The following RNF180 variants were observed in gnomAD, a reference collection of about 807,000 sequenced individuals.
The protein encoded by RNF180 is ring finger protein 180.
A neutral mutation model predicts 59.2 loss-of-function variants in RNF180; 38 were observed. That is an observed-to-expected ratio of 0.64 (90% CI 0.50 to 0.84). RNF180 has a LOEUF of 0.84. Ranked by LOEUF, RNF180 falls within the 40% of genes least tolerant of loss-of-function variation. The pLI is 0.00. For missense variants in RNF180, 705 were observed against 700.9 expected, an observed-to-expected ratio of 1.01 and a Z score of -0.07; for synonymous variants, 262 against 240.3, an observed-to-expected ratio of 1.09 and a Z score of -0.84.
At chr5:64,276,000 A>G (rs757804479) in intron 5 of RNF180, among the ~76,000 whole-genome samples, 13 of 152,012 alleles carry the variant, frequency 8.6e-5, no homozygotes, top group Admixed American at 3.9e-4. Context: ...TCTCCCACCA[A>G]TTATAAGCTG....
At chr5:64,270,768 T>C (rs1284433195) in intron 5 of RNF180, among the ~76,000 whole-genome samples, 1 of 151,180 alleles carries the variant, frequency 6.6e-6, no homozygotes, top group African/African-American at 2.4e-5. Flanking sequence ...GCTTCTCTCA[T>C]GTAGCTTTTC....
chr5:64,226,484 A>G (rs1353444731), intron 5 of RNF180, among the ~76,000 whole-genome samples: 1 of 152,116 alleles, frequency 6.6e-6, no homozygotes, highest in Non-Finnish European at 1.5e-5. Context: ...AAGAGTCATC[A>G]CCACTCCCTA....
At position 64,209,225 on chromosome 5, in the gene RNF180, G is replaced by T. The variant is rs533557719; in HGVS notation, c.136-2840G>T. Among the ~76,000 whole-genome samples, 3 of 152,040 alleles carry T rather than the reference G, an allele frequency of 2.0e-5. No individual in the cohort carries two copies. The South Asian group carries it at 6.2e-4, about 32-fold the overall frequency. ...ATTTGTTATTTAGTGAAAATAAAAA[G>T]AATAAGTACATTGTAAAACTTTCTT... On this transcript the variant is annotated intron_variant, in intron 2 of 7. Transcript: ENST00000389100.
intron 5 of RNF180, among the ~76,000 whole-genome samples, chr5:64,222,806 T>C (rs1425777362): frequency 6.6e-6 from 1 of 152,202 alleles, no homozygotes; most frequent in African/African-American, 2.4e-5. Context: ...AAGACAAATA[T>C]GCTATGTTAT....
chr5:64,334,143 G>A (rs1745027348), intron 7 of RNF180, among the ~76,000 whole-genome samples: 3 of 152,162 alleles, frequency 2.0e-5, no homozygotes, highest in South Asian at 4.1e-4. Context: ...CTGAGGTCAG[G>A]AGGATTGGCA....
chr5:64,290,143 C>T (rs1742496744), intron 5 of RNF180, among the ~76,000 whole-genome samples: 1 of 152,136 alleles, frequency 6.6e-6, no homozygotes, highest in Admixed American at 6.5e-5. Flanking sequence ...ATTATTTACC[C>T]AGGAGACATT....
At chr5:64,211,154 C>T (rs1192155514) in intron 2 of RNF180, among the ~76,000 whole-genome samples, 1 of 152,048 alleles carries the variant, frequency 6.6e-6, no homozygotes, top group Non-Finnish European at 1.5e-5. Context: ...CATTGGTATG[C>T]AGGACCTAGA....
At chr5:64,321,053 A>T (rs1431054010) in intron 5 of RNF180, among the ~76,000 whole-genome samples, 1 of 152,062 alleles carries the variant, frequency 6.6e-6, no homozygotes, top group African/African-American at 2.4e-5. Context: ...AAAAAAGGGA[A>T]AGAAAAATTA....
chr5:64,214,591 C>A (rs1458206030), intron 4 of RNF180, 74 bp downstream of exon 4: 4 of 1,321,776 alleles, frequency 3.0e-6, no homozygotes, highest in African/African-American at 3.0e-5. Flanking sequence ...AGCTAACTTT[C>A]AACATCTGTA....
At chr5:64,290,391 T>G (rs1205855280) in intron 5 of RNF180, among the ~76,000 whole-genome samples, 2 of 152,252 alleles carry the variant, frequency 1.3e-5, no homozygotes, top group Non-Finnish European at 2.9e-5. Flanking sequence ...ATCTATCAGA[T>G]ATGCTTGATC....
chr5:64,349,585 G>A (rs547890324), intron 7 of RNF180, among the ~76,000 whole-genome samples: 1 of 149,338 alleles, frequency 6.7e-6, no homozygotes, highest in Non-Finnish European at 1.5e-5. Flanking sequence ...CTCCCCCCTT[G>A]CCCCCCACCA....
At chr5:64,209,960 A>G (rs375337338) in intron 2 of RNF180, among the ~76,000 whole-genome samples, 1 of 152,132 alleles carries the variant, frequency 6.6e-6, no homozygotes, top group African/African-American at 2.4e-5. Flanking sequence ...GTCACTTCCA[A>G]TAGGTTTCCC....
intron 7 of RNF180, among the ~76,000 whole-genome samples, chr5:64,347,784 G>A (rs1745612316): frequency 6.6e-6 from 1 of 152,132 alleles, no homozygotes; most frequent in Non-Finnish European, 1.5e-5. Context: ...CTTTACGAGT[G>A]TCAGGACTGT....
chr5:64,331,181 C>T (rs1744890596), intron 7 of RNF180, among the ~76,000 whole-genome samples: 2 of 152,238 alleles, frequency 1.3e-5, no homozygotes, highest in Non-Finnish European at 2.9e-5. Flanking sequence ...CTGAGGGCAG[C>T]TCAGCGCAAC....
chr5:64,205,698 C>G (rs1429336317), intron 2 of RNF180, among the ~76,000 whole-genome samples: 1 of 151,922 alleles, frequency 6.6e-6, no homozygotes, highest in East Asian at 1.9e-4. Flanking sequence ...GATGAGATTA[C>G]CATGCAGTGT....
chr5:64,293,493 G>A (rs1256197153), intron 5 of RNF180, among the ~76,000 whole-genome samples: 1 of 151,880 alleles, frequency 6.6e-6, no homozygotes, highest in African/African-American at 2.4e-5. Context: ...TTTTTTATGA[G>A]AATATTATTT....
intron 1 of RNF180, among the ~76,000 whole-genome samples, chr5:64,178,950 TA>T (rs1453234946): frequency 2.0e-5 from 3 of 151,924 alleles, no homozygotes; most frequent in Non-Finnish European, 2.9e-5. Context: ...TCTATTCTTT[TA>T]AAAAAAACCT....
intron 1 of RNF180, among the ~76,000 whole-genome samples, chr5:64,176,207 G>A (rs926401186): frequency 2.0e-5 from 3 of 151,994 alleles, no homozygotes; most frequent in Non-Finnish European, 2.9e-5. Flanking sequence ...AATCTTGGTA[G>A]GTCGTATATA....
chr5:64,285,175 T>A (rs1316029450), intron 5 of RNF180, among the ~76,000 whole-genome samples: 1 of 152,152 alleles, frequency 6.6e-6, no homozygotes, highest in Admixed American at 6.5e-5. Flanking sequence ...GTCCCTAGTG[T>A]TTAAGAACCC....
Sources: gnomAD v4.1 joint callset for allele counts (sites outside exome capture counted in the v4.1 genomes callset) on GRCh38, gnomAD v4.1.1 for gene constraint, MANE v1.5 for transcripts, NCBI Gene and HGNC (gene_info 2026-07-23, HGNC 2026-07-21) for gene names.